KDM5B: variants seen among roughly 807,000 people sequenced by gnomAD.
The protein encoded by KDM5B is lysine-specific demethylase 5B.
Under a neutral mutation model 193.4 loss-of-function variants are expected in KDM5B, and 144 were observed. The ratio of observed to expected loss-of-function variants is 0.74; its 90% CI spans 0.65 to 0.86. KDM5B has a LOEUF of 0.86. Among genes scored for constraint, KDM5B ranks in the 40% least tolerant of loss-of-function variants. KDM5B has a pLI of 0.00. For synonymous variants in KDM5B, 668 were observed against 682.6 expected, an observed-to-expected ratio of 0.98 and a Z score of 0.33; for missense variants, 1,833 against 1,886.9, an observed-to-expected ratio of 0.97 and a Z score of 0.53.
At chr1:202,761,302 G>A (rs924764519) in intron 7 of KDM5B, among the ~76,000 whole-genome samples, 7 of 151,950 alleles carry the variant, frequency 4.6e-5, no homozygotes, top group African/African-American at 1.5e-4. Context: ...AAAATTAGCC[G>A]GGCATGGTGG....
intron 14 of KDM5B, among the ~76,000 whole-genome samples, chr1:202,747,256 T>C (rs533445907): frequency 6.6e-6 from 1 of 152,308 alleles, no homozygotes; most frequent in South Asian, 2.1e-4. Context: ...AAGGACTTCA[T>C]GGGATGGAGA....
At chr1:202,789,157 A>G (rs1195270826) in intron 1 of KDM5B, among the ~76,000 whole-genome samples, 1 of 152,206 alleles carries the variant, frequency 6.6e-6, no homozygotes, top group African/African-American at 2.4e-5. Context: ...CTCAAAAAAT[A>G]CTACGAGATG....
At chr1:202,760,999 G>T (rs1656225748) in intron 7 of KDM5B, among the ~76,000 whole-genome samples, 1 of 150,762 alleles carries the variant, frequency 6.6e-6, no homozygotes, top group African/African-American at 2.4e-5. Context: ...CTGCGCTCTA[G>T]CCTGGGTGAC....
intron 13 of KDM5B, among the ~76,000 whole-genome samples, chr1:202,749,422 C>T (rs1372681834): frequency 2.0e-5 from 3 of 151,952 alleles, no homozygotes; most frequent in East Asian, 1.9e-4. Flanking sequence ...TCGGGTGTGG[C>T]GGTGCACGCC....
At chr1:202,735,654 C>T in intron 21 of KDM5B, 67 bp from the exon 22 acceptor site, 1 of 1,443,122 alleles carries the variant, frequency 6.9e-7, no homozygotes, top group Non-Finnish European at 9.6e-7. Flanking sequence ...TAGGAAGTCC[C>T]AAAATAAAAG....
chr1:202,784,162 T>A (rs1359381335), intron 1 of KDM5B, among the ~76,000 whole-genome samples: 1 of 152,244 alleles, frequency 6.6e-6, no homozygotes, highest in Non-Finnish European at 1.5e-5. Flanking sequence ...GGATGTGCTA[T>A]TAACATCCAC....
At chr1:202,779,357 T>C (rs1657097277) in intron 1 of KDM5B, among the ~76,000 whole-genome samples, 7 of 151,718 alleles carry the variant, frequency 4.6e-5, no homozygotes, top group Admixed American at 3.9e-4. Context: ...CACGCGGCTG[T>C]AGTCCCAGCT....
rs372575662 is a variant in KDM5B, at chr1:202,729,025, T to C, written c.*11A>G. On this transcript the variant is annotated 3_prime_UTR_variant, in exon 27 of 27. Coordinates refer to ENST00000367265, the MANE Select transcript of KDM5B (RefSeq NM_006618.5). ...ATTACATTAAGTAGGGGGGTATCTG[T>C]TTTTGTGTTTTTACTTTCGGCTTGG... The C allele has an allele frequency of 1.1e-5, 18 of 1,613,690 alleles. No individual in the cohort carries two copies. Among genetic ancestry groups the C allele is most frequent in the Non-Finnish European group, 1.4e-5 (17 of 1,179,854 alleles).
intron 1 of KDM5B, among the ~76,000 whole-genome samples, chr1:202,793,399 C>A (rs1306317492): frequency 6.6e-6 from 1 of 152,180 alleles, no homozygotes; most frequent in Non-Finnish European, 1.5e-5. Flanking sequence ...TAGTTCAGAG[C>A]AGTAACTGAG....
At chr1:202,792,376 T>C (rs1433500536) in intron 1 of KDM5B, among the ~76,000 whole-genome samples, 2 of 151,734 alleles carry the variant, frequency 1.3e-5, no homozygotes, top group East Asian at 1.9e-4. Flanking sequence ...TAGGCCCACA[T>C]GAGATTCTAA....
rs1413072958 is a variant in KDM5B, at chr1:202,728,241, C to T, written c.*795G>A. 2.6e-5 allele frequency: 4 copies of T among 152,398 alleles called. No individual in the cohort carries two copies. The highest frequency in any genetic ancestry group is 9.7e-5 in the African/African-American group (4 of 41,442). The allele number at this position is 152,398 out of a possible 1,614,324, so 9.4% of individuals were successfully genotyped here. On this transcript the variant is annotated 3_prime_UTR_variant, in exon 27 of 27. Transcript: ENST00000367265. Reference sequence around the variant, plus strand: ...ATTTATTCCACAATATAAACTGTAACATTTGATACAAGCTACCAAAAAATA... The same window carrying T: ...ATTTATTCCACAATATAAACTGTAATATTTGATACAAGCTACCAAAAAATA...
chr1:202,752,858 AGTG>A (rs1286070283), intron 12 of KDM5B, 44 bp downstream of exon 12: 1 of 1,521,996 alleles, frequency 6.6e-7, no homozygotes, highest in Non-Finnish European at 9.0e-7. Context: ...GAAAAAGAGA[AGTG>A]GTGAATTAAG....
intron 1 of KDM5B, among the ~76,000 whole-genome samples, chr1:202,797,495 A>T (rs893746692): frequency 5.3e-5 from 8 of 152,180 alleles, no homozygotes; most frequent in African/African-American, 1.9e-4. Context: ...TAAATAAATA[A>T]AAGAATAAAA....
intron 1 of KDM5B, among the ~76,000 whole-genome samples, chr1:202,783,204 G>A (rs1297136046): frequency 6.6e-6 from 1 of 152,138 alleles, no homozygotes; most frequent in African/African-American, 2.4e-5. Flanking sequence ...GGAGGCGGAG[G>A]TGGCAGTGAG....
intron 1 of KDM5B, among the ~76,000 whole-genome samples, chr1:202,786,196 G>C (rs1400105504): frequency 2.8e-5 from 3 of 105,934 alleles, no homozygotes; most frequent in African/African-American, 1.1e-4. Flanking sequence ...GGGGGTGGGG[G>C]GGGGGGTCTC....
In KDM5B at chr1:202,756,423, A is replaced by G. The variant is rs1434412415; in HGVS notation, c.1291T>C (p.Ser431Pro). 6.2e-7 allele frequency: 1 copy of G among 1,613,754 alleles called. No homozygotes were observed. The highest frequency in any genetic ancestry group is 8.5e-7 in the Non-Finnish European group (1 of 1,179,796). The change falls in exon 10 of 27, where the codon TCA (serine) becomes CCA (proline). Residue 431 changes from serine to proline, a missense_variant. Physicochemically the swap from Ser to Pro is moderately conservative, Grantham distance 74. Transcript: ENST00000367265. ...GGAAAGCCACTGCCAAATTCCTTTG[A>G]GGCAATGTCAGCTCCATATTCCACT... ...VTVEYGADIASKEFGSGFPVR... is the reference protein window; with the variant it reads ...VTVEYGADIAPKEFGSGFPVR...
intron 1 of KDM5B, among the ~76,000 whole-genome samples, chr1:202,784,725 G>A (rs1008317779): frequency 3.9e-5 from 6 of 152,092 alleles, no homozygotes; most frequent in East Asian, 1.9e-4. Context: ...AGTTTTGTAC[G>A]ACAAAGAATT....
intron 13 of KDM5B, 101 bp downstream of exon 13, chr1:202,750,558 A>G: frequency 7.0e-6 from 9 of 1,283,148 alleles, no homozygotes; most frequent in Non-Finnish European, 7.6e-6. Flanking sequence ...TATAGGCATG[A>G]GCTACCGCAC....
At chr1:202,766,015 G>C (rs1277795415) in intron 5 of KDM5B, among the ~76,000 whole-genome samples, 1 of 152,142 alleles carries the variant, frequency 6.6e-6, no homozygotes, top group Non-Finnish European at 1.5e-5. Flanking sequence ...TCCTTCTCTA[G>C]CCTGGACAAC....
Sources: allele counts gnomAD v4.1 joint callset (sites outside exome capture counted in the v4.1 genomes callset), GRCh38; gene constraint gnomAD v4.1.1; transcripts MANE v1.5; gene names NCBI Gene and HGNC (gene_info 2026-07-23, HGNC 2026-07-21).